Variants in HS6ST3 observed in about 807,000 individuals in gnomAD.
The protein encoded by HS6ST3 is heparan sulfate 6-O-sulfotransferase 3, also known as heparan-sulfate 6-O-sulfotransferase 3.
A neutral mutation model predicts 36.7 loss-of-function variants in HS6ST3; 12 were observed. That is an observed-to-expected ratio of 0.33 (90% CI 0.21 to 0.53). The LOEUF (loss-of-function observed/expected upper bound fraction) is 0.53, where lower values mean the gene tolerates loss of function less well. Among genes scored for constraint, HS6ST3 ranks in the 20% least tolerant of loss-of-function variants. The pLI, the probability that HS6ST3 is intolerant of heterozygous loss-of-function variation, is 0.95. For synonymous variants in HS6ST3, 240 were observed against 257.5 expected (o/e 0.93, Z 0.65); for missense variants, 584 against 640.9 (o/e 0.91, Z 0.96).
At chr13:96,125,691 T>A (rs2053947019) in intron 1 of HS6ST3, among the ~76,000 whole-genome samples, 1 of 151,696 alleles carries the variant, frequency 6.6e-6, no homozygotes, top group South Asian at 2.1e-4. Flanking sequence ...AATTGACTCT[T>A]TTTTGTTATA....
intron 1 of HS6ST3, among the ~76,000 whole-genome samples, chr13:96,456,424 C>T (rs1224463092): frequency 6.6e-6 from 1 of 152,062 alleles, no homozygotes; most frequent in Non-Finnish European, 1.5e-5. Flanking sequence ...GCCCTCTACC[C>T]CAATTACATG....
At chr13:96,391,561 A>T (rs2055395692) in intron 1 of HS6ST3, among the ~76,000 whole-genome samples, 1 of 152,190 alleles carries the variant, frequency 6.6e-6, no homozygotes, top group Non-Finnish European at 1.5e-5. Context: ...GCCGATAGAC[A>T]TACCTGAGAC....
At chr13:96,707,057 C>T (rs1413142736) in intron 1 of HS6ST3, among the ~76,000 whole-genome samples, 1 of 152,120 alleles carries the variant, frequency 6.6e-6, no homozygotes, top group African/African-American at 2.4e-5. Flanking sequence ...GTGTCTTATT[C>T]ATCTTTGCAT....
chr13:96,236,131 C>T (rs1189126549), intron 1 of HS6ST3, among the ~76,000 whole-genome samples: 6 of 152,148 alleles, frequency 3.9e-5, no homozygotes, highest in Admixed American at 3.9e-4. Flanking sequence ...AGATGATGGC[C>T]TGAAGACTCA....
At chr13:96,767,657 GC>G (rs1175054047) in intron 1 of HS6ST3, among the ~76,000 whole-genome samples, 1 of 152,198 alleles carries the variant, frequency 6.6e-6, no homozygotes, top group Non-Finnish European at 1.5e-5. Flanking sequence ...TTCATTGGAG[GC>G]CTGAGCATTG....
At chr13:96,758,943 T>A (rs1399490520) in intron 1 of HS6ST3, among the ~76,000 whole-genome samples, 2 of 151,854 alleles carry the variant, frequency 1.3e-5, no homozygotes, top group Non-Finnish European at 3.0e-5. Context: ...TATCCTGAAT[T>A]TCTCTATTTT....
chr13:96,741,216 T>A (rs1273322387), intron 1 of HS6ST3, among the ~76,000 whole-genome samples: 1 of 152,186 alleles, frequency 6.6e-6, no homozygotes, highest in African/African-American at 2.4e-5. Context: ...TTTTTGTTCT[T>A]GCCACTGAGC....
Position 96,833,003 on chromosome 13 carries a change from T to C in HS6ST3, c.1221T>C (p.Leu407=). ...ATCTAAACTTCCTGGACATGCAGCT[T>C]TACGAGTATGCAAAAGATCTCTTCC... ...IEDLNFLDMQ[L]YEYAKDLFQQ... The change falls in exon 2 of 2, where the codon CTT becomes CTC. Residue 407 remains leucine (L), a synonymous_variant. Transcript: ENST00000376705. 1 of 1,614,022 alleles carries C rather than the reference T, an allele frequency of 6.2e-7. No individual in the cohort carries two copies. The highest frequency in any genetic ancestry group is 1.1e-5 in the South Asian group (1 of 91,068).
At chr13:96,298,200 C>T (rs186296291) in intron 1 of HS6ST3, among the ~76,000 whole-genome samples, 204 of 152,210 alleles carry the variant, frequency 1.3e-3, no homozygotes, top group Non-Finnish European at 2.2e-3. Flanking sequence ...GTAGTAATTT[C>T]ATGGATTCTT....
chr13:96,227,701 G>A (rs1054450843), intron 1 of HS6ST3, among the ~76,000 whole-genome samples: 1 of 152,012 alleles, frequency 6.6e-6, no homozygotes, highest in Non-Finnish European at 1.5e-5. Flanking sequence ...GCACAACATG[G>A]GTTTCAACTG....
intron 1 of HS6ST3, among the ~76,000 whole-genome samples, chr13:96,821,108 G>C (rs1216880145): frequency 6.6e-6 from 1 of 152,188 alleles, no homozygotes; most frequent in Non-Finnish European, 1.5e-5. Flanking sequence ...ATTTGTTACA[G>C]CTTTGTGGGT....
intron 1 of HS6ST3, among the ~76,000 whole-genome samples, chr13:96,235,847 A>G (rs1346667108): frequency 6.6e-6 from 1 of 152,198 alleles, no homozygotes; most frequent in African/African-American, 2.4e-5. Flanking sequence ...CAGAACTAAT[A>G]GGCTACATGT....
At chr13:96,262,163 G>A (rs184615741) in intron 1 of HS6ST3, among the ~76,000 whole-genome samples, 228 of 152,212 alleles carry the variant, frequency 1.5e-3, no homozygotes, top group Middle Eastern at 3.4e-3. Context: ...TTATCCCCAG[G>A]AAATTAAGAA....
rs71213623 is a variant in HS6ST3 at position 96,658,268 on chromosome 13, C to CTTTTTTTTTTTTTTTTTTTTTTTTTTTT, written c.708-174219_708-174192dup. The stretch of plus-strand genomic sequence containing the variant: ...TTCTTCTTCTTCTTCTCTTCTTCTT[C>CTTTTTTTTTTTTTTTTTTTTTTTTTTTT]TTTTTTTTTTTTTTTTTTTTTTTTT... On this transcript the variant is annotated intron_variant, in intron 1 of 1. Coordinates refer to ENST00000376705, the MANE Select transcript of HS6ST3 (RefSeq NM_153456.4). Among the ~76,000 whole-genome samples the CTTTTTTTTTTTTTTTTTTTTTTTTTTTT allele has an allele frequency of 3.8e-4, 29 of 76,174 alleles. 2 individuals are homozygous for CTTTTTTTTTTTTTTTTTTTTTTTTTTTT. Among genetic ancestry groups the CTTTTTTTTTTTTTTTTTTTTTTTTTTTT allele is most frequent in the East Asian group, 1.0e-3 (2 of 1,946 alleles). 50.0% of individuals were successfully genotyped at this position (76,174 alleles called of 152,430 possible). A position where few individuals can be genotyped will look rare whatever the true frequency, so the allele number is the denominator to read the frequency against.
At chr13:96,579,101 A>G (rs943352597) in intron 1 of HS6ST3, among the ~76,000 whole-genome samples, 6 of 152,154 alleles carry the variant, frequency 3.9e-5, no homozygotes, top group Non-Finnish European at 7.4e-5. Context: ...TTCAACATGA[A>G]AGCTTTGTAG....
chr13:96,535,427 A>G (rs935900430), intron 1 of HS6ST3, among the ~76,000 whole-genome samples: 8 of 151,844 alleles, frequency 5.3e-5, no homozygotes, highest in Admixed American at 2.0e-4. Context: ...GCATGGTGGC[A>G]CATGCCTGTA....
chr13:96,178,629 G>T (rs754042157), intron 1 of HS6ST3, among the ~76,000 whole-genome samples: 1 of 151,996 alleles, frequency 6.6e-6, no homozygotes, highest in Admixed American at 6.6e-5. Context: ...CCATTCTGTG[G>T]TGCACTGGGG....
intron 1 of HS6ST3, among the ~76,000 whole-genome samples, chr13:96,285,430 C>G (rs1461918570): frequency 2.0e-5 from 3 of 152,138 alleles, no homozygotes; most frequent in Non-Finnish European, 2.9e-5. Context: ...TTAAGAACAG[C>G]CATTTAGCCA....
intron 1 of HS6ST3, among the ~76,000 whole-genome samples, chr13:96,744,361 A>G (rs1248059319): frequency 6.6e-6 from 1 of 152,108 alleles, no homozygotes; most frequent in Admixed American, 6.6e-5. Context: ...CAACAAGCAT[A>G]TTTAGAAACT....
Sources: allele counts gnomAD v4.1 joint callset (sites outside exome capture counted in the v4.1 genomes callset), GRCh38; gene constraint gnomAD v4.1.1; transcripts MANE v1.5; gene names NCBI Gene and HGNC (gene_info 2026-07-23, HGNC 2026-07-21).